The following LRRC42 variants were observed in gnomAD, a reference collection of about 807,000 sequenced individuals.
The protein encoded by LRRC42 is leucine rich repeat containing 42.
Under a neutral mutation model 44.3 loss-of-function variants are expected in LRRC42, and 43 were observed. That is an observed-to-expected ratio of 0.97 (90% CI 0.76 to 1.25). The LOEUF (loss-of-function observed/expected upper bound fraction) is 1.25, where lower values mean the gene tolerates loss of function less well. LRRC42 is among the 50% of genes most tolerant of loss of function. The pLI, the probability that LRRC42 is intolerant of heterozygous loss-of-function variation, is 0.00. For missense variants in LRRC42, 540 were observed against 509.1 expected, an observed-to-expected ratio of 1.06 and a Z score of -0.58; for synonymous variants, 207 against 195.2, an observed-to-expected ratio of 1.06 and a Z score of -0.50.
intron 7 of LRRC42, among the ~76,000 whole-genome samples, chr1:53,962,744 C>T (rs947263928): frequency 1.4e-4 from 21 of 152,160 alleles, no homozygotes; most frequent in Admixed American, 1.3e-3. Flanking sequence ...GACAGATTCT[C>T]TTAGTAGTGT....
chr1:53,963,948 C>CCG (rs67877796), intron 7 of LRRC42, among the ~76,000 whole-genome samples: 3 of 5,402 alleles, frequency 5.6e-4, no homozygotes, highest in Admixed American at 2.2e-3. Flanking sequence ...CTCCTGCCCA[C>CCG]CCCCCCCCCA....
At chr1:53,965,008 G>GTTTTTTTTTT (rs548333281) in intron 7 of LRRC42, among the ~76,000 whole-genome samples, 1 of 112,836 alleles carries the variant, frequency 8.9e-6, no homozygotes. Flanking sequence ...GTTTTTTTTT[G>GTTTTTTTTTT]TTTTTTTTTT....
chr1:53,965,621 A>G (rs2294513), intron 7 of LRRC42, among the ~76,000 whole-genome samples: 11,614 of 151,252 alleles, frequency 0.077, 822 homozygotes, highest in African/African-American at 0.19. Context: ...CTGGGACTAC[A>G]GGCGCCTGCC....
intron 3 of LRRC42, among the ~76,000 whole-genome samples, chr1:53,952,776 A>C (rs1654729565): frequency 6.6e-6 from 1 of 152,222 alleles, no homozygotes; most frequent in East Asian, 1.9e-4. Flanking sequence ...TGATCTGCCA[A>C]ATATCTCTTG....
At chr1:53,953,561 A>G (rs1157820657) in intron 3 of LRRC42, among the ~76,000 whole-genome samples, 2 of 151,808 alleles carry the variant, frequency 1.3e-5, no homozygotes, top group African/African-American at 2.4e-5. Context: ...GGATTTCACC[A>G]TGTTGGCCAG....
chr1:53,946,606 G>GGGGGCGGGGTGTTAGGGA (rs1388928047), intron 1 of LRRC42, 57 bp downstream of exon 1: 4 of 151,914 alleles, frequency 2.6e-5, no homozygotes, highest in Non-Finnish European at 4.4e-5. Flanking sequence ...GTGTGGGAGC[G>GGGGGCGGGGTGTTAGGGA]GGGGCGGGGT....
At chr1:53,951,631 G>A (rs2100917765) in intron 2 of LRRC42, among the ~76,000 whole-genome samples, 2 of 152,252 alleles carry the variant, frequency 1.3e-5, no homozygotes, top group South Asian at 4.1e-4. Context: ...CACCATGTTG[G>A]CCAGGCTGGT....
intron 7 of LRRC42, among the ~76,000 whole-genome samples, chr1:53,965,872 A>G (rs1431093918): frequency 2.0e-5 from 3 of 152,236 alleles, no homozygotes; most frequent in Non-Finnish European, 4.4e-5. Context: ...GAGAATATGG[A>G]AACATGGGCA....
At chr1:53,955,943 C>G (rs1654826629) in intron 3 of LRRC42, among the ~76,000 whole-genome samples, 1 of 152,144 alleles carries the variant, frequency 6.6e-6, no homozygotes, top group East Asian at 1.9e-4. Context: ...AATCTTTTAG[C>G]CCATATTTTA....
At chr1:53,966,670 G>A (rs1462278622) in intron 8 of LRRC42, among the ~76,000 whole-genome samples, 5 of 152,236 alleles carry the variant, frequency 3.3e-5, no homozygotes, top group Non-Finnish European at 5.9e-5. Flanking sequence ...AAAAGGAATT[G>A]AGTGTAGCCA....
At chr1:53,964,995 A>ATTTTTTTTTTTTTTTTTTT (rs1557649612) in intron 7 of LRRC42, among the ~76,000 whole-genome samples, 1 of 137,714 alleles carries the variant, frequency 7.3e-6, no homozygotes, top group African/African-American at 3.0e-5. Flanking sequence ...CTGGAACTGT[A>ATTTTTTTTTTTTTTTTTTT]TTGTTTTTTT....
In LRRC42 at chr1:53,962,030, C is replaced by T. The variant is rs1377955664; in HGVS notation, c.725-4C>T. 4 of 1,605,084 alleles carry T rather than the reference C, an allele frequency of 2.5e-6. No homozygotes were observed. Among genetic ancestry groups the T allele is most frequent in the Non-Finnish European group, 3.4e-6 (4 of 1,174,426 alleles). On this transcript the variant is annotated splice_region_variant and splice_polypyrimidine_tract_variant and intron_variant, in intron 5 of 8. Coordinates refer to ENST00000371370, the MANE Select transcript of LRRC42 (RefSeq NM_001256409.2). ...CAGAATGCTACGTTGTTTTTGACATCTAGGTAACCCTGAGATCACAGATGC... is the reference window on the plus strand; with the variant it reads ...CAGAATGCTACGTTGTTTTTGACATTTAGGTAACCCTGAGATCACAGATGC...
In LRRC42 at chr1:53,967,803, C is replaced by G; in HGVS notation, c.1151C>G (p.Ser384Ter). 6.2e-7 allele frequency: 1 copy of G among 1,614,174 alleles called. No homozygotes were observed. Among genetic ancestry groups the G allele is most frequent in the Non-Finnish European group, 8.5e-7 (1 of 1,180,020 alleles). ...HGPVLKHEAISSQESKKSKKR... is the reference protein window; with the variant it reads ...HGPVLKHEAI ...CCAGTGTTGAAACACGAAGCTATCTCAAGCCAGGAGTCAAAGAAGAGCAAG... is the reference window on the plus strand; with the variant it reads ...CCAGTGTTGAAACACGAAGCTATCTGAAGCCAGGAGTCAAAGAAGAGCAAG... The change falls in exon 9 of 9, where the codon TCA becomes TGA. Residue 384 changes from serine to a stop codon, truncating the protein, a stop_gained. Transcript: ENST00000371370. LOFTEE classifies it high-confidence loss of function.
chr1:53,962,066 T>A lies in LRRC42; in HGVS notation c.757T>A (p.Tyr253Asn). Residue 253 changes from tyrosine to asparagine, a missense_variant, in exon 6 of 9, where the codon TAC becomes AAC. Physicochemically the swap from Tyr to Asn is moderately radical, Grantham distance 143. Transcript: ENST00000371370. ...NPEITDAGIG[Y>N]LFSFRKLNCL... ...TGAGATCACAGATGCAGGCATTGGATACCTCTTTTCTTTTAGGAAACTAAA... is the reference window on the plus strand; with the variant it reads ...TGAGATCACAGATGCAGGCATTGGAAACCTCTTTTCTTTTAGGAAACTAAA... 3.1e-6 allele frequency: 5 copies of A among 1,614,082 alleles called. No individual in the cohort carries two copies. Among genetic ancestry groups the A allele is most frequent in the Non-Finnish European group, 4.2e-6 (5 of 1,179,912 alleles).
Position 53,952,123 on chromosome 1 carries a change from A to C in LRRC42, c.124A>C (p.Arg42=). The C allele has an allele frequency of 3.1e-6, 5 of 1,614,218 alleles. No individual in the cohort carries two copies. Among genetic ancestry groups the C allele is most frequent in the Middle Eastern group, 1.6e-4 (1 of 6,062 alleles). ...TGTCAGGAGTAGCCTGCAGAAGCCAAGGCCTTTCAGACTGTTCCCCAAAGG... is the reference window on the plus strand; with the variant it reads ...TGTCAGGAGTAGCCTGCAGAAGCCACGGCCTTTCAGACTGTTCCCCAAAGG... ...DGVRSSLQKP[R]PFRLFPKGFS... Residue 42 remains arginine, a synonymous_variant, in exon 3 of 9, where the codon AGG becomes CGG. Transcript: ENST00000371370.
chr1:53,951,245 A>G (rs1654669917), intron 2 of LRRC42, among the ~76,000 whole-genome samples: 1 of 152,250 alleles, frequency 6.6e-6, no homozygotes, highest in Non-Finnish European at 1.5e-5. Context: ...ATCACATTCC[A>G]TGGTACGTGT....
chr1:53,949,045 C>G (rs915805307), intron 2 of LRRC42, among the ~76,000 whole-genome samples: 2 of 151,990 alleles, frequency 1.3e-5, no homozygotes, highest in African/African-American at 4.8e-5. Flanking sequence ...TTATTTTTTC[C>G]TCATTTAGAA....
chr1:53,949,557 G>A (rs181528705), intron 2 of LRRC42, among the ~76,000 whole-genome samples: 6 of 152,318 alleles, frequency 3.9e-5, no homozygotes, highest in South Asian at 2.1e-4. Context: ...GACATCTGCC[G>A]TAATTCCTCA....
rs578181272 is a variant in LRRC42 at position 53,958,192 on chromosome 1, C to T, written c.517C>T (p.Arg173Trp). 2.2e-5 allele frequency: 36 copies of T among 1,613,828 alleles called. No homozygotes were observed. The highest frequency in any genetic ancestry group is 8.0e-5 in the African/African-American group (6 of 75,020). The change falls in exon 4 of 9, where the codon CGG (arginine) becomes TGG (tryptophan). Residue 173 changes from arginine (R) to tryptophan (W), a missense_variant. By Grantham distance (101) the Arg-to-Trp change is moderately radical. Transcript: ENST00000371370. The part of the protein sequence containing the change: ...SEKLEEIKSF[R>W]ELTCLDLSCC... ...AAAGCTTGAGGAGATTAAGTCTTTC[C>T]GGGAGCTGACCTGCCTGGATCTTTC...
Sources: allele counts gnomAD v4.1 joint callset (sites outside exome capture counted in the v4.1 genomes callset), GRCh38; gene constraint gnomAD v4.1.1; transcripts MANE v1.5; gene names NCBI Gene and HGNC (gene_info 2026-07-23, HGNC 2026-07-21).